SRPK1: variants seen among roughly 807,000 people sequenced by gnomAD.
The protein encoded by SRPK1 is SRSF protein kinase 1.
A neutral mutation model predicts 89.5 loss-of-function variants in SRPK1; 52 were observed. That is an observed-to-expected ratio of 0.58 (90% CI 0.46 to 0.73). The LOEUF (loss-of-function observed/expected upper bound fraction) is 0.73, where lower values mean the gene tolerates loss of function less well. Among genes scored for constraint, SRPK1 ranks in the 30% least tolerant of loss-of-function variants. The pLI, the probability that SRPK1 is intolerant of heterozygous loss-of-function variation, is 0.00. For synonymous variants in SRPK1, 255 were observed against 270.2 expected, an observed-to-expected ratio of 0.94 and a Z score of 0.55; for missense variants, 603 against 780.6, an observed-to-expected ratio of 0.77 and a Z score of 2.71.
intron 6 of SRPK1, among the ~76,000 whole-genome samples, chr6:35,880,029 C>A (rs144111466): frequency 1.4e-3 from 217 of 150,548 alleles, no homozygotes; most frequent in Non-Finnish European, 2.5e-3. Context: ...CCACGGCACT[C>A]CAGCCTGGGT....
rs1297085240 is a variant in SRPK1 at position 35,870,469 on chromosome 6, T to C, written c.803A>G (p.Lys268Arg). ...CTTCTGCTTCTTCTTCAATTTCTTC[T>C]TCTTATTCTTTGACATTTTGTCAGC... ...KPADKMSKNK[K>R]KKLKKKQKRQ... The change falls in exon 10 of 16, where the codon AAG becomes AGG. Residue 268 changes from lysine (K) to arginine (R), a missense_variant. By Grantham distance (26) the Lys-to-Arg change is conservative (BLOSUM62 2). Transcript: ENST00000373825. The C allele has an allele frequency of 6.4e-7, 1 of 1,551,738 alleles. No individual in the cohort carries two copies. Among genetic ancestry groups the C allele is most frequent in the Non-Finnish European group, 8.7e-7 (1 of 1,147,128 alleles).
intron 8 of SRPK1, among the ~76,000 whole-genome samples, chr6:35,871,277 T>C (rs1770030748): frequency 2.0e-5 from 3 of 152,188 alleles, no homozygotes; most frequent in Admixed American, 2.0e-4. Context: ...CAACAACCTC[T>C]TCACCTCAAA....
In SRPK1 at chr6:35,857,429, G is replaced by A. The variant is rs145795299; in HGVS notation, c.1513-61C>T. On this transcript the variant is annotated intron_variant, in intron 12 of 15. Transcript: ENST00000373825. ...TTCTAAAAAGTAACAAGTCAATACT[G>A]CTTAATAATGGAGATGAAAATAAAC... is the stretch of plus-strand genomic sequence containing the variant. 48 of 1,261,594 alleles carry A rather than the reference G, an allele frequency of 3.8e-5. No homozygotes were observed. In the African/African-American group the frequency reaches 6.4e-4, roughly 17 times the overall value. The allele number at this position is 1,261,594 out of a possible 1,614,324, so 78.1% of individuals were successfully genotyped here.
chr6:35,852,965 C>T (rs1769585905), intron 13 of SRPK1, among the ~76,000 whole-genome samples: 1 of 152,100 alleles, frequency 6.6e-6, no homozygotes, highest in Admixed American at 6.5e-5. Flanking sequence ...AAAGGACAGG[C>T]ACAGTGACTC....
intron 1 of SRPK1, 29 bp downstream of exon 1, chr6:35,921,015 C>T: frequency 6.5e-7 from 1 of 1,540,402 alleles, no homozygotes; most frequent in Non-Finnish European, 8.7e-7. Context: ...ACCATTGCCC[C>T]TCGTGGCGGA....
intron 2 of SRPK1, among the ~76,000 whole-genome samples, chr6:35,904,237 T>C (rs2127265005): frequency 6.6e-6 from 1 of 152,324 alleles, no homozygotes. Context: ...TTATACCCTG[T>C]TAAATTAGTT....
intron 15 of SRPK1, among the ~76,000 whole-genome samples, chr6:35,836,794 T>TA (rs1769190561): frequency 6.7e-6 from 1 of 149,296 alleles, no homozygotes; most frequent in Non-Finnish European, 1.5e-5. Context: ...TAATTTTTTT[T>TA]AAACATAAAA....
At position 35,863,245 on chromosome 6, in the gene SRPK1, G is replaced by C. The variant is rs1323645275; in HGVS notation, c.1512+5765C>G. On this transcript the variant is annotated intron_variant, in intron 12 of 15. Transcript: ENST00000373825. ...TAGACTGGAACAAGTAGAAGAATCT[G>C]AGAACTTGAAGACAGGTCCTCTGAA... 2.6e-5 allele frequency among the ~76,000 whole-genome samples: 4 copies of C among 152,030 alleles called. No homozygotes were observed. The East Asian group carries it at 7.7e-4, about 29-fold the overall frequency.
intron 2 of SRPK1, among the ~76,000 whole-genome samples, chr6:35,903,240 G>T (rs1031561802): frequency 2.0e-5 from 3 of 152,162 alleles, no homozygotes; most frequent in African/African-American, 7.2e-5. Context: ...AAGAGGCCGT[G>T]GTGGCTCACG....
intron 6 of SRPK1, among the ~76,000 whole-genome samples, chr6:35,877,645 A>C (rs1462819092): frequency 6.6e-6 from 1 of 152,150 alleles, no homozygotes; most frequent in African/African-American, 2.4e-5. Flanking sequence ...GTTTGAGACC[A>C]GCCTGACCAA....
intron 12 of SRPK1, among the ~76,000 whole-genome samples, chr6:35,867,071 G>C (rs1769921053): frequency 6.6e-6 from 1 of 152,106 alleles, no homozygotes; most frequent in Non-Finnish European, 1.5e-5. Flanking sequence ...CACTGTTCCA[G>C]TGATGGATCC....
chr6:35,872,506 A>G, intron 8 of SRPK1, 57 bp downstream of exon 8: 1 of 1,465,052 alleles, frequency 6.8e-7, no homozygotes. Flanking sequence ...AACAGAATAA[A>G]AATAGAAATT....
intron 13 of SRPK1, among the ~76,000 whole-genome samples, chr6:35,846,376 T>G (rs1010836120): frequency 2.6e-5 from 4 of 151,846 alleles, no homozygotes. Context: ...GGATCACTCA[T>G]GCTCAGGAGT....
chr6:35,868,817 C>T (rs758535849), intron 12 of SRPK1, among the ~76,000 whole-genome samples, 193 bp downstream of exon 12: 4 of 152,046 alleles, frequency 2.6e-5, no homozygotes, highest in African/African-American at 4.8e-5. Context: ...TTCATGATCA[C>T]GATTACCATT....
At chr6:35,897,250 T>C (rs1380593053) in intron 2 of SRPK1, among the ~76,000 whole-genome samples, 2 of 152,184 alleles carry the variant, frequency 1.3e-5, no homozygotes, top group South Asian at 2.1e-4. Flanking sequence ...GGTCCAAATA[T>C]AGTGCTTTAT....
chr6:35,835,597 T>G, intron 15 of SRPK1, 109 bp from the exon 16 acceptor site: 1 of 986,840 alleles, frequency 1.0e-6, no homozygotes, highest in Non-Finnish European at 1.4e-6. Flanking sequence ...GAATCAAATT[T>G]TGCAATCAGA....
At chr6:35,870,569 T>G (rs1199879762) in intron 9 of SRPK1, 75 bp from the exon 10 acceptor site, 2 of 1,300,902 alleles carry the variant, frequency 1.5e-6, no homozygotes, top group Non-Finnish European at 2.1e-6. Context: ...AGTTGTTAAC[T>G]TTAATTACTT....
At chr6:35,844,005 GTTT>G (rs35051574) in intron 13 of SRPK1, among the ~76,000 whole-genome samples, 3 of 125,698 alleles carry the variant, frequency 2.4e-5, no homozygotes, top group Non-Finnish European at 1.6e-5. Flanking sequence ...CACAACAGCA[GTTT>G]TTTTTTTTTT....
intron 6 of SRPK1, among the ~76,000 whole-genome samples, chr6:35,885,298 C>CACACAGAGAGAGAGAG (rs1276672274): frequency 1.1e-4 from 12 of 113,188 alleles, no homozygotes; most frequent in South Asian, 5.8e-4. Flanking sequence ...CACACACACA[C>CACACAGAGAGAGAGAG]AGAGAGAGAG....
Sources: gnomAD v4.1 joint callset for allele counts (sites outside exome capture counted in the v4.1 genomes callset) on GRCh38, gnomAD v4.1.1 for gene constraint, MANE v1.5 for transcripts, NCBI Gene and HGNC (gene_info 2026-07-23, HGNC 2026-07-21) for gene names.